The following EEF1D variants were observed in gnomAD, a reference collection of about 807,000 sequenced individuals.
The protein encoded by EEF1D is elongation factor 1-delta.
A neutral mutation model predicts 63.9 loss-of-function variants in EEF1D; 47 were observed. That is an observed-to-expected ratio of 0.74 (90% CI 0.58 to 0.94). The LOEUF (loss-of-function observed/expected upper bound fraction) is 0.94, where lower values mean the gene tolerates loss of function less well. EEF1D is among the 40% of genes least tolerant of loss of function. The pLI, the probability that EEF1D is intolerant of heterozygous loss-of-function variation, is 0.00. For missense variants in EEF1D, 907 were observed against 899.0 expected, an observed-to-expected ratio of 1.01 and a Z score of -0.11; for synonymous variants, 412 against 386.1, an observed-to-expected ratio of 1.07 and a Z score of -0.79.
intron 1 of EEF1D, chr8:143,596,146 T>G (rs1436798584): frequency 6.6e-6 from 1 of 152,584 alleles, no homozygotes; most frequent in African/African-American, 2.4e-5. Flanking sequence ...GAGGGCCTAG[T>G]CCTCCAGAGG....
chr8:143,580,417 A>G, intron 8 of EEF1D, 89 bp downstream of exon 8: 1 of 1,471,696 alleles, frequency 6.8e-7, no homozygotes, highest in Non-Finnish European at 9.3e-7. Context: ...CCCAGAACCC[A>G]GAGGGCAGGG....
In EEF1D at chr8:143,579,826, T is replaced by G; in HGVS notation, c.1910A>C (p.Gln637Pro). Residue 637 changes from glutamine to proline, a missense_variant, in exon 10 of 10, where the codon CAG becomes CCG. Gln to Pro is a moderately conservative substitution (Grantham distance 76, BLOSUM62 -1). Transcript: ENST00000618139. ...EEITKFEEHV[Q>P]SVDIAAFNKI ...GTTGAAAGCTGCGATATCGACACTC[T>G]GCACCTGAGGAGAGGCGGAGGGTGA... The G allele has an allele frequency of 6.4e-7, 1 of 1,566,358 alleles. No homozygotes were observed. Among genetic ancestry groups the G allele is most frequent in the South Asian group, 1.2e-5 (1 of 84,546 alleles).
intron 5 of EEF1D, among the ~76,000 whole-genome samples, chr8:143,584,838 C>T (rs561309032): frequency 2.6e-5 from 4 of 152,186 alleles, no homozygotes; most frequent in Admixed American, 2.6e-4. Flanking sequence ...TGTGAAACTG[C>T]CTGGGACTAG....
intron 2 of EEF1D, chr8:143,592,163 G>A: frequency 1.0e-6 from 1 of 985,482 alleles, no homozygotes; most frequent in Non-Finnish European, 1.2e-6. Flanking sequence ...AGGAGACAGG[G>A]CATTGTGACA....
chr8:143,593,321 G>A (rs117583565), intron 1 of EEF1D, among the ~76,000 whole-genome samples: 2 of 152,146 alleles, frequency 1.3e-5, no homozygotes, highest in African/African-American at 2.4e-5. Flanking sequence ...TTCACTCCTC[G>A]GCTGGAGACA....
chr8:143,579,797 T>C lies in EEF1D; in HGVS notation c.1939A>G (p.Ile647Val). The C allele has an allele frequency of 6.4e-7, 1 of 1,562,846 alleles. No homozygotes were observed. Among genetic ancestry groups the C allele is most frequent in the Non-Finnish European group, 8.7e-7 (1 of 1,152,480 alleles). ...QSVDIAAFNK[I>V] ...CACGTACACACACTCAGGCTTCAGA[T>C]CTTGTTGAAAGCTGCGATATCGACA... Residue 647 changes from isoleucine to valine, a missense_variant, in exon 10 of 10, where the codon ATC becomes GTC. Transcript: ENST00000618139.
intron 1 of EEF1D, 94 bp from the exon 2 acceptor site, chr8:143,592,754 G>C: frequency 1.0e-6 from 1 of 971,302 alleles, no homozygotes; most frequent in Non-Finnish European, 1.2e-6. Context: ...GGGCGGCCGG[G>C]GGCCTTTCCA....
At chr8:143,591,065 C>A (rs188206294) in intron 2 of EEF1D, among the ~76,000 whole-genome samples, 1 of 152,232 alleles carries the variant, frequency 6.6e-6, no homozygotes, top group South Asian at 2.1e-4. Context: ...AGCACTGAGA[C>A]GGCTCTAGGC....
intron 2 of EEF1D, 188 bp from the exon 3 acceptor site, chr8:143,590,269 G>A: frequency 1.1e-6 from 1 of 897,890 alleles, no homozygotes; most frequent in Non-Finnish European, 1.7e-6. Context: ...AAGCCCATGT[G>A]GGGACGTTTT....
At position 143,589,424 on chromosome 8, in the gene EEF1D, G is replaced by A. The variant is rs1827443975; in HGVS notation, c.658C>T (p.Pro220Ser). Residue 220 changes from proline to serine, a missense_variant, in exon 3 of 10, where the codon CCC becomes TCC. By Grantham distance (74) the Pro-to-Ser change is moderately conservative (BLOSUM62 -1). Coordinates refer to ENST00000618139, the MANE Select transcript of EEF1D (RefSeq NM_001130053.5). ...AGTGCCTGCAGGCTGCCCAGCGGGG[G>A]CTGGCCATTGACCGGTGGGCTGGGC... ...HQPSPPVNGQ[P>S]PLGSLQALVR... is the part of the protein sequence containing the mutation. 7 of 1,529,044 alleles carry A rather than the reference G, an allele frequency of 4.6e-6. No homozygotes were observed. Among genetic ancestry groups the A allele is most frequent in the Non-Finnish European group, 6.2e-6 (7 of 1,132,698 alleles). 94.7% of individuals were successfully genotyped at this position (1,529,044 alleles called of 1,614,324 possible).
intron 5 of EEF1D, chr8:143,582,078 C>A (rs1825664838): frequency 6.6e-6 from 1 of 152,306 alleles, no homozygotes. Flanking sequence ...CCCGGGGCTC[C>A]CTCTCTGTGG....
At chr8:143,593,175 A>G (rs1828259512) in intron 1 of EEF1D, among the ~76,000 whole-genome samples, 1 of 152,092 alleles carries the variant, frequency 6.6e-6, no homozygotes, top group South Asian at 2.1e-4. Flanking sequence ...CAGGGCTCAC[A>G]TTAATACAGG....
At position 143,589,803 on chromosome 8, in the gene EEF1D, C is replaced by T; in HGVS notation, c.279G>A (p.Lys93=). 6.3e-7 allele frequency: 1 copy of T among 1,598,168 alleles called. No homozygotes were observed. Among genetic ancestry groups the T allele is most frequent in the South Asian group, 1.1e-5 (1 of 89,016 alleles). The change falls in exon 3 of 10, where the codon AAG becomes AAA. Residue 93 remains lysine, a synonymous_variant. Coordinates refer to ENST00000618139, the MANE Select transcript of EEF1D (RefSeq NM_001130053.5). ...PLQKKRKRSP[K]SGLGPADLAL... ...CCAGGTCCGCGGGGCCGAGCCCGCT[C>T]TTGGGGGAGCGCTTCCTCTTTTTCT...
chr8:143,596,551 TG>T (rs1828860747), intron 1 of EEF1D: 1 of 152,316 alleles, frequency 6.6e-6, no homozygotes, highest in East Asian at 1.9e-4. Flanking sequence ...TGAGATGGCC[TG>T]GCCTGCCTCC....
intron 5 of EEF1D, chr8:143,582,790 G>A (rs548217725): frequency 4.6e-5 from 7 of 152,368 alleles, no homozygotes; most frequent in Non-Finnish European, 8.8e-5. Context: ...TCAACGGGCA[G>A]GCTCAGGTCA....
chr8:143,592,369 G>A (rs779515939), intron 2 of EEF1D, among the ~76,000 whole-genome samples: 1 of 152,048 alleles, frequency 6.6e-6, no homozygotes, highest in Non-Finnish European at 1.5e-5. Flanking sequence ...GGCTCCTACC[G>A]AGACCTGGCA....
rs150802924 is a variant in EEF1D at position 143,580,113 on chromosome 8, C to T, written c.1804G>A (p.Val602Met). Residue 602 changes from valine to methionine, a missense_variant, in exon 9 of 10, where the codon GTG becomes ATG. Val to Met is a conservative substitution (Grantham distance 21, BLOSUM62 1). Transcript: ENST00000618139. ...TGTAGCTTCCGGATACCGTAGCCCA[C>T]GGGCACCAGCTTGGAAGCCCCCCAG... The part of the protein sequence containing the change: ...LVWGASKLVP[V>M]GYGIRKLQIQ... The T allele has an allele frequency of 1.0e-4, 161 of 1,613,850 alleles. No individual in the cohort carries two copies. Among genetic ancestry groups the T allele is most frequent in the Middle Eastern group, 1.6e-4 (1 of 6,078 alleles).
At chr8:143,587,673 C>G (rs1826966127) in intron 3 of EEF1D, 1 of 152,266 alleles carries the variant, frequency 6.6e-6, no homozygotes, top group South Asian at 2.1e-4. Flanking sequence ...TCAATAGATA[C>G]AATGAAAGCT....
At chr8:143,593,842 C>T in intron 1 of EEF1D, 1 of 985,374 alleles carries the variant, frequency 1.0e-6, no homozygotes, top group South Asian at 4.7e-5. Context: ...CTCCTCATTT[C>T]CCCGCTTCCC....
Sources: allele counts gnomAD v4.1 joint callset (sites outside exome capture counted in the v4.1 genomes callset), GRCh38; gene constraint gnomAD v4.1.1; transcripts MANE v1.5; gene names NCBI Gene and HGNC (gene_info 2026-07-23, HGNC 2026-07-21).